Variants in TRPM5 observed in about 807,000 individuals in gnomAD.
The protein encoded by TRPM5 is MLSN1 and TRP-related.
TRPM5 carries 121 observed loss-of-function variants against 124.9 expected under a neutral mutation model. That is an observed-to-expected ratio of 0.97 (90% CI 0.84 to 1.13). The LOEUF is 1.13. Ranked by LOEUF, TRPM5 falls within the 50% of genes most tolerant of loss-of-function variation. TRPM5 has a pLI of 0.00. For synonymous variants in TRPM5, 781 were observed against 700.5 expected (o/e 1.11, Z -1.81); for missense variants, 1,643 against 1,589.1 (o/e 1.03, Z -0.58).
chr11:2,409,220 C>CA (rs1374572272), intron 18 of TRPM5, among the ~76,000 whole-genome samples: 2 of 152,170 alleles, frequency 1.3e-5, no homozygotes, highest in Non-Finnish European at 2.9e-5. Context: ...CCTAGGCCTG[C>CA]CCCTCCTCTG....
chr11:2,408,689 A>G (rs1373241370), intron 18 of TRPM5, among the ~76,000 whole-genome samples: 1 of 151,902 alleles, frequency 6.6e-6, no homozygotes, highest in Non-Finnish European at 1.5e-5. Context: ...CCCTCACCCC[A>G]CCCCAGCCTG....
intron 5 of TRPM5, 72 bp from the exon 11 acceptor site, chr11:2,418,430 GC>G: frequency 6.7e-7 from 1 of 1,495,932 alleles, no homozygotes; most frequent in Non-Finnish European, 8.9e-7. Flanking sequence ...TGTCAGGGGT[GC>G]CCCCATCCCT....
intron 18 of TRPM5, among the ~76,000 whole-genome samples, chr11:2,408,338 A>G (rs1485707221): frequency 1.3e-5 from 2 of 152,174 alleles, no homozygotes; most frequent in Non-Finnish European, 2.9e-5. Context: ...AGGTTTGGGG[A>G]GAGCTGCCGA....
chr11:2,441,397 A>G, the TRPM5 span, among the ~76,000 whole-genome samples: 1 of 148,750 alleles, frequency 6.7e-6, no homozygotes, highest in Non-Finnish European at 1.5e-5. The surrounding 1 kb of genome is among the most constrained non-coding windows in gnomAD (Gnocchi z 7.2). Context: ...ATCCACCCTT[A>G]CTCCCCCACC....
intron 18 of TRPM5, among the ~76,000 whole-genome samples, chr11:2,408,357 A>G (rs975738955): frequency 6.6e-6 from 1 of 152,162 alleles, no homozygotes; most frequent in Admixed American, 6.5e-5. Flanking sequence ...GAGGAAAGGG[A>G]GATGGGGCCC....
At chr11:2,410,210 A>G (rs917228746) in intron 18 of TRPM5, among the ~76,000 whole-genome samples, 8 of 152,224 alleles carry the variant, frequency 5.3e-5, no homozygotes, top group African/African-American at 1.7e-4. Flanking sequence ...AAACAGCCCA[A>G]GGAAATGAGC....
chr11:2,428,012 CA>C (rs777648914), upstream of TRPM5, among the ~76,000 whole-genome samples: 1 of 152,136 alleles, frequency 6.6e-6, no homozygotes, highest in Non-Finnish European at 1.5e-5. This position sits in a 1 kb window ranked among gnomAD's most constrained non-coding sequence, Gnocchi z 4.0. Context: ...CGGTCAGCAC[CA>C]GGGATGCTCT....
chr11:2,415,170 G>A, exon 9 of TRPM5: 1 of 1,582,450 alleles, frequency 6.3e-7, no homozygotes, highest in Non-Finnish European at 8.6e-7. Context: ...GCCTCGGCAG[G>A]CGTCCTGCAG....
chr11:2,419,473 G>A (rs973109524), intron 4 of TRPM5, among the ~76,000 whole-genome samples: 10 of 151,016 alleles, frequency 6.6e-5, no homozygotes, highest in South Asian at 2.1e-4. Context: ...AAAAAGAGCC[G>A]GGCATGGTGG....
chr11:2,414,009 G>GGGGGGGGGCCCCCCC, intron 12 of TRPM5, 52 bp downstream of exon 17: 1 of 1,023,728 alleles, frequency 9.8e-7, no homozygotes, highest in Non-Finnish European at 1.4e-6. Context: ...GGCCCAGCTC[G>GGGGGGGGGCCCCCCC]CCCGCCCACC....
At chr11:2,418,391 A>T (rs2074236) in intron 5 of TRPM5, 33 bp from the exon 11 acceptor site, 635,383 of 1,533,318 alleles carry the variant, frequency 0.41, 135,144 homozygotes, top group East Asian at 0.7. Flanking sequence ...AGCGGACCCC[A>T]GATTAGCCCG....
At chr11:2,414,009 G>GGGCGCCCCCCCCCCCCCCCCCCCC in intron 12 of TRPM5, 52 bp downstream of exon 17, 1 of 1,023,734 alleles carries the variant, frequency 9.8e-7, no homozygotes, top group Non-Finnish European at 1.4e-6. Flanking sequence ...GGCCCAGCTC[G>GGGCGCCCCCCCCCCCCCCCCCCCC]CCCGCCCACC....
the TRPM5 span, among the ~76,000 whole-genome samples, chr11:2,428,475 G>A: frequency 6.6e-6 from 1 of 151,776 alleles, no homozygotes; most frequent in Non-Finnish European, 1.5e-5. This position sits in a 1 kb window ranked among gnomAD's most constrained non-coding sequence, Gnocchi z 4.0. Context: ...TGGCAGTAGT[G>A]GTGGTGGTGG....
intron 18 of TRPM5, among the ~76,000 whole-genome samples, chr11:2,408,526 A>G (rs1247851145): frequency 6.6e-6 from 1 of 152,198 alleles, no homozygotes; most frequent in African/African-American, 2.4e-5. Context: ...CACTCAAGTC[A>G]AGAACATTCT....
chr11:2,414,009 G>GGGGCGGCC, intron 12 of TRPM5, 52 bp downstream of exon 17: 1 of 1,023,734 alleles, frequency 9.8e-7, no homozygotes, highest in Non-Finnish European at 1.4e-6. Context: ...GGCCCAGCTC[G>GGGGCGGCC]CCCGCCCACC....
chr11:2,444,318 C>T, the TRPM5 span, among the ~76,000 whole-genome samples: 1 of 151,966 alleles, frequency 6.6e-6, no homozygotes, highest in Non-Finnish European at 1.5e-5. Flanking sequence ...TTTCCTCCCC[C>T]CAACCCCAAC....
chr11:2,429,807 A>C, the TRPM5 span, among the ~76,000 whole-genome samples: 1 of 152,038 alleles, frequency 6.6e-6, no homozygotes, highest in Non-Finnish European at 1.5e-5. This position sits in a 1 kb window ranked among gnomAD's most constrained non-coding sequence, Gnocchi z 8.4. Flanking sequence ...TGTAATCACC[A>C]TAATCCCCAT....
exon 24 of TRPM5, chr11:2,404,664 G>A: frequency 2.0e-6 from 1 of 498,974 alleles, no homozygotes; most frequent in Non-Finnish European, 3.6e-6. Context: ...TCAGTTTCCA[G>A]GTAGGGATGC....
rs556609638 is a variant in TRPM5, at chr11:2,414,753, C to T, written c.1706G>A (p.Arg569Gln). The change falls in exon 11 of 24, where the codon CGA becomes CAA. Residue 569 changes from arginine (R) to glutamine (Q), a missense_variant. Coordinates refer to ENST00000155858, the Ensembl canonical transcript of TRPM5. ...CTCGTATTTCGCCTCGCGCGTGGCTCGGGCCGCCTCGGCCTCCGTCTCCAG... is the reference window on the plus strand; with the variant it reads ...CTCGTATTTCGCCTCGCGCGTGGCTTGGGCCGCCTCGGCCTCCGTCTCCAG... The T allele has an allele frequency of 3.8e-5, 59 of 1,547,736 alleles. No individual in the cohort carries two copies. In the South Asian group the frequency reaches 5.7e-4, roughly 15 times the overall value.
Sources: allele counts gnomAD v4.1 joint callset (sites outside exome capture counted in the v4.1 genomes callset), GRCh38; gene constraint gnomAD v4.1.1; non-coding constraint Gnocchi (gnomAD v3.1); transcripts MANE v1.5; gene names NCBI Gene and HGNC (gene_info 2026-07-23, HGNC 2026-07-21).